Variants in ADRA1A observed in about 807,000 individuals in gnomAD.
The protein encoded by ADRA1A is alpha-1A adrenergic receptor.
A neutral mutation model predicts 29.6 loss-of-function variants in ADRA1A; 31 were observed. That is an observed-to-expected ratio of 1.05 (90% CI 0.79 to 1.41). The LOEUF is 1.41. Ranked by LOEUF, ADRA1A falls within the 40% of genes most tolerant of loss-of-function variation. ADRA1A has a pLI of 0.00. For missense variants in ADRA1A, 619 were observed against 601.1 expected (o/e 1.03, Z -0.31); for synonymous variants, 311 against 254.3 (o/e 1.22, Z -2.12).
In ADRA1A at chr8:26,769,685, T is replaced by C. The variant is rs1047205971; in HGVS notation, c.*464A>G. 9 of 986,010 alleles carry C rather than the reference T, an allele frequency of 9.1e-6. No homozygotes were observed. In the Admixed American group the frequency reaches 1.8e-4, roughly 20 times the overall value. 61.1% of individuals were successfully genotyped at this position (986,010 alleles called of 1,614,324 possible). On this transcript the variant is annotated 3_prime_UTR_variant, in exon 3 of 3. Coordinates refer to ENST00000380573, the MANE Select transcript of ADRA1A (RefSeq NM_000680.4). ...ATCTCGGCCACCATCTTAATGCTCT[T>C]CCTCTCTAGGCCCTCTCCCCATAAA...
At chr8:26,854,490 T>C (rs554573818) in intron 2 of ADRA1A, 7 of 148,866 alleles carry the variant, frequency 4.7e-5, no homozygotes, top group Non-Finnish European at 8.9e-5. Context: ...GTCCTTTCCA[T>C]GAGAGCCACC....
rs1264804331 is a variant in ADRA1A at position 26,775,331 on chromosome 8, T to A, written c.884-4665A>T. Among the ~76,000 whole-genome samples the A allele has an allele frequency of 6.6e-6, 1 of 152,232 alleles. No individual in the cohort carries two copies. The highest frequency in any genetic ancestry group is 1.5e-5 in the Non-Finnish European group (1 of 68,046). On this transcript the variant is annotated intron_variant, in intron 2 of 2. Transcript: ENST00000380573. The surrounding 1 kb of genome is among the most constrained non-coding windows in gnomAD (Gnocchi z 4.1). ...TATTATCTCCCAACCCTGACTTCTT[T>A]CTGCTGTCTCATTCTTCTTTTTTTT...
chr8:26,785,291 A>G (rs1807290908), intron 2 of ADRA1A, among the ~76,000 whole-genome samples: 1 of 152,110 alleles, frequency 6.6e-6, no homozygotes, highest in African/African-American at 2.4e-5. Flanking sequence ...ATAACTCCTA[A>G]ATTTTCTCCA....
chr8:26,764,470 A>G (rs143416047), downstream of ADRA1A, among the ~76,000 whole-genome samples: 2 of 152,338 alleles, frequency 1.3e-5, no homozygotes, highest in East Asian at 3.9e-4. Flanking sequence ...AAGTGCCAAT[A>G]GAGCTGGAAT....
rs1016564088 is a variant in ADRA1A at position 26,787,628 on chromosome 8, C to T, written c.884-16962G>A. On this transcript the variant is annotated intron_variant, in intron 2 of 2. Coordinates refer to ENST00000380573, the MANE Select transcript of ADRA1A (RefSeq NM_000680.4). The surrounding 1 kb of genome is among the most constrained non-coding windows in gnomAD (Gnocchi z 4.2). ...ATGATAACAGAAATAGTTACCATCT[C>T]GTGTGCTGCATAAAAATATCAATGC... 6.6e-6 allele frequency among the ~76,000 whole-genome samples: 1 copy of T among 151,644 alleles called. No individual in the cohort carries two copies. Among genetic ancestry groups the T allele is most frequent in the African/African-American group, 2.4e-5 (1 of 41,268 alleles).
chr8:26,772,117 CTT>C (rs35838948), intron 2 of ADRA1A: 1,573 of 134,196 alleles, frequency 0.012, 20 homozygotes, highest in Admixed American at 0.035. Flanking sequence ...ATAATATGGG[CTT>C]TTTTTTTTTT....
intron 2 of ADRA1A, among the ~76,000 whole-genome samples, chr8:26,827,151 TA>T (rs1236519282): frequency 2.6e-5 from 4 of 152,224 alleles, no homozygotes; most frequent in Non-Finnish European, 2.9e-5. Flanking sequence ...AAATAAAGGT[TA>T]ACCTTTTTAT....
intron 2 of ADRA1A, among the ~76,000 whole-genome samples, chr8:26,798,324 A>G (rs1808326249): frequency 6.6e-6 from 1 of 152,176 alleles, no homozygotes; most frequent in Admixed American, 6.5e-5. Flanking sequence ...TTGCTCTTTC[A>G]GAGAATTAGA....
At position 26,860,318 on chromosome 8, in the gene ADRA1A, C is replaced by A. The variant is rs879567481; in HGVS notation, c.883+3769G>T. On this transcript the variant is annotated intron_variant, in intron 2 of 2. Transcript: ENST00000380573. This position sits in a 1 kb window ranked among gnomAD's most constrained non-coding sequence, Gnocchi z 4.7. ...CTCAGGCCACCCATCGTCACCTGGGCTCCTTCTACAACCTGGCTGTGGATG... is the reference window on the plus strand; with the variant it reads ...CTCAGGCCACCCATCGTCACCTGGGATCCTTCTACAACCTGGCTGTGGATG... Among the ~76,000 whole-genome samples, 1 of 152,138 alleles carries A rather than the reference C, an allele frequency of 6.6e-6. No individual in the cohort carries two copies. The highest frequency in any genetic ancestry group is 1.5e-5 in the Non-Finnish European group (1 of 68,034).
Position 26,866,602 on chromosome 8 carries a change from G to C in ADRA1A, c.-687+334C>G, listed in dbSNP as rs1170510136. Among the ~76,000 whole-genome samples, 2 of 152,150 alleles carry C rather than the reference G, an allele frequency of 1.3e-5. No individual in the cohort carries two copies. The highest frequency in any genetic ancestry group is 6.5e-5 in the Admixed American group (1 of 15,280). ...TGAGGAAGTGCCCACCTTGCCTTCT[G>C]GGGTTGGGCCCTGAGGTGGGACCTC... On this transcript the variant is annotated intron_variant, in intron 1 of 2. Coordinates refer to ENST00000380573, the MANE Select transcript of ADRA1A (RefSeq NM_000680.4). The surrounding 1 kb of genome is among the most constrained non-coding windows in gnomAD (Gnocchi z 5.7).
At chr8:26,867,289 C>A (rs1454219181), upstream of ADRA1A, 3 of 985,298 alleles carry the variant, frequency 3.0e-6, no homozygotes, top group Admixed American at 1.8e-4. Flanking sequence ...AGGCAGTAGC[C>A]CAGCTAGTAC....
chr8:26,808,549 G>A (rs767116400), intron 2 of ADRA1A, among the ~76,000 whole-genome samples: 16 of 152,118 alleles, frequency 1.1e-4, no homozygotes, highest in African/African-American at 3.6e-4. Flanking sequence ...GCCCCATTGC[G>A]GTGTGCATCC....
In ADRA1A at chr8:26,865,613, C is replaced by T. The variant is rs1813851547; in HGVS notation, c.-644G>A. On this transcript the variant is annotated 5_prime_UTR_variant, in exon 2 of 3. Coordinates refer to ENST00000380573, the MANE Select transcript of ADRA1A (RefSeq NM_000680.4). This position sits in a 1 kb window ranked among gnomAD's most constrained non-coding sequence, Gnocchi z 7.6. ...AGGGGACGTAGGTGTGGAATATGTG[C>T]TGAGACCCAGGAGGCTGCGGGGCAT... is the stretch of plus-strand genomic sequence containing the variant. 6 of 986,704 alleles carry T rather than the reference C, an allele frequency of 6.1e-6. No homozygotes were observed. The highest frequency in any genetic ancestry group is 7.2e-6 in the Non-Finnish European group (6 of 831,034). 61.1% of individuals were successfully genotyped at this position (986,704 alleles called of 1,614,324 possible). A position where few individuals can be genotyped will look rare whatever the true frequency, so the allele number is the denominator to read the frequency against.
chr8:26,799,641 A>G (rs189489934), intron 2 of ADRA1A, among the ~76,000 whole-genome samples: 1 of 152,284 alleles, frequency 6.6e-6, no homozygotes, highest in East Asian at 1.9e-4. Context: ...CTGGGGTCTC[A>G]GCTGATCCCA....
intron 2 of ADRA1A, among the ~76,000 whole-genome samples, chr8:26,750,504 G>A (rs919427649): frequency 6.6e-5 from 10 of 152,130 alleles, no homozygotes; most frequent in Non-Finnish European, 1.3e-4. Context: ...ACCCAGCTGG[G>A]TCTCTTCCTG....
At position 26,864,009 on chromosome 8, in the gene ADRA1A, G is replaced by A. The variant is rs964826853; in HGVS notation, c.883+78C>T. 2.8e-6 allele frequency: 4 copies of A among 1,445,208 alleles called. No individual in the cohort carries two copies. In the African/African-American group the frequency reaches 5.7e-5, roughly 20 times the overall value. 89.5% of individuals were successfully genotyped at this position (1,445,208 alleles called of 1,614,324 possible). A position where few individuals can be genotyped will look rare whatever the true frequency, so the allele number is the denominator to read the frequency against. On this transcript the variant is annotated intron_variant, in intron 2 of 2. Coordinates refer to ENST00000380573, the MANE Select transcript of ADRA1A (RefSeq NM_000680.4). The surrounding 1 kb of genome is among the most constrained non-coding windows in gnomAD (Gnocchi z 8.1). The stretch of plus-strand genomic sequence containing the variant: ...TGCTAATCCTTCCTCTTCCATCCCG[G>A]ACTGGGAGTCTGGGGTAACAGAAGC...
At position 26,865,286 on chromosome 8, in the gene ADRA1A, G is replaced by A. The variant is rs889267937; in HGVS notation, c.-317C>T. The A allele has an allele frequency of 3.3e-6, 4 of 1,230,556 alleles. No homozygotes were observed. Among genetic ancestry groups the A allele is most frequent in the Non-Finnish European group, 4.1e-6 (4 of 982,288 alleles). The allele number at this position is 1,230,556 out of a possible 1,614,324, so 76.2% of individuals were successfully genotyped here. A position where few individuals can be genotyped will look rare whatever the true frequency, so the allele number is the denominator to read the frequency against. ...TCCCTCCCTACCCGAAGCTGGGTGC[G>A]AAGATCCAGGAGACTCCTTGCAACA... On this transcript the variant is annotated 5_prime_UTR_variant, in exon 2 of 3. Transcript: ENST00000380573. This position sits in a 1 kb window ranked among gnomAD's most constrained non-coding sequence, Gnocchi z 7.6.
downstream of ADRA1A, chr8:26,765,789 C>A: frequency 1.6e-6 from 2 of 1,254,418 alleles, no homozygotes; most frequent in Non-Finnish European, 2.0e-6. Flanking sequence ...GCCAAAGGAC[C>A]TGAGCAGACC....
intron 2 of ADRA1A, among the ~76,000 whole-genome samples, chr8:26,782,961 A>T (rs992017787): frequency 2.0e-5 from 3 of 151,844 alleles, no homozygotes; most frequent in Admixed American, 6.6e-5. Context: ...CACAACATCC[A>T]ATCACCCAGC....
Sources: allele counts gnomAD v4.1 joint callset (sites outside exome capture counted in the v4.1 genomes callset), GRCh38; gene constraint gnomAD v4.1.1; non-coding constraint Gnocchi (gnomAD v3.1); transcripts MANE v1.5; gene names NCBI Gene and HGNC (gene_info 2026-07-23, HGNC 2026-07-21).